Variants in SAMMSON observed in about 807,000 individuals in gnomAD.
The protein encoded by SAMMSON is long intergenic non-protein coding RNA 1212.
chr3:70,060,256 T>C (rs1272420278), intron 3 of SAMMSON, among the ~76,000 whole-genome samples: 3 of 152,060 alleles, frequency 2.0e-5, no homozygotes, highest in African/African-American at 4.8e-5. Flanking sequence ...CATTCCCTTA[T>C]GGAGTGTTTG....
chr3:70,065,369 C>T (rs954186715), intron 3 of SAMMSON: 40 of 151,988 alleles, frequency 2.6e-4, no homozygotes, highest in African/African-American at 9.2e-4. Flanking sequence ...TCTTAATTAC[C>T]ACCCGCCTGC....
intron 4 of SAMMSON, among the ~76,000 whole-genome samples, chr3:70,148,456 T>C (rs528750414): frequency 6.6e-6 from 1 of 152,188 alleles, no homozygotes; most frequent in East Asian, 1.9e-4. Flanking sequence ...TCTTAGTCTG[T>C]TTGTGTTGCT....
intron 6 of SAMMSON, among the ~76,000 whole-genome samples, chr3:70,275,123 G>A (rs967084422): frequency 1.3e-5 from 2 of 152,138 alleles, no homozygotes; most frequent in African/African-American, 4.8e-5. Flanking sequence ...CATTCTCACT[G>A]ACTTTATAGT....
intron 7 of SAMMSON, among the ~76,000 whole-genome samples, chr3:70,320,310 G>A (rs1409421210): frequency 6.6e-6 from 1 of 151,996 alleles, no homozygotes; most frequent in Non-Finnish European, 1.5e-5. Context: ...AATGACAGTG[G>A]GTTACCATGT....
At chr3:70,323,572 C>G (rs953810142) in intron 7 of SAMMSON, among the ~76,000 whole-genome samples, 3 of 152,128 alleles carry the variant, frequency 2.0e-5, no homozygotes, top group African/African-American at 7.2e-5. Flanking sequence ...GGCAACTTGG[C>G]AAGGCTGAAC....
At chr3:70,121,302 G>A (rs904702929) in intron 4 of SAMMSON, among the ~76,000 whole-genome samples, 2 of 152,074 alleles carry the variant, frequency 1.3e-5, no homozygotes, top group African/African-American at 2.4e-5. Flanking sequence ...TCCCTGGCCC[G>A]AGGGTTGGGG....
At chr3:70,373,301 C>G (rs571172450) in intron 9 of SAMMSON, among the ~76,000 whole-genome samples, 3 of 152,176 alleles carry the variant, frequency 2.0e-5, no homozygotes, top group East Asian at 3.9e-4. Flanking sequence ...AGAAAATATT[C>G]CACTTCTTTC....
intron 4 of SAMMSON, among the ~76,000 whole-genome samples, chr3:70,213,514 C>T (rs1338835091): frequency 2.6e-5 from 4 of 152,088 alleles, no homozygotes; most frequent in Non-Finnish European, 5.9e-5. Context: ...GAATTTAGTA[C>T]TGTAGTTATC....
intron 9 of SAMMSON, among the ~76,000 whole-genome samples, chr3:70,383,003 T>C (rs1703086100): frequency 6.6e-6 from 1 of 152,116 alleles, no homozygotes; most frequent in Non-Finnish European, 1.5e-5. Context: ...GAAAATGGTT[T>C]CTTCCTGTCT....
intron 6 of SAMMSON, among the ~76,000 whole-genome samples, chr3:70,277,099 G>A (rs941633080): frequency 3.3e-5 from 5 of 152,080 alleles, no homozygotes; most frequent in African/African-American, 1.2e-4. Flanking sequence ...TGAGGCGTGA[G>A]AAACATTGGC....
At chr3:70,420,042 A>G (rs1701299225) in intron 2 of SAMMSON, among the ~76,000 whole-genome samples, 1 of 152,232 alleles carries the variant, frequency 6.6e-6, no homozygotes. Context: ...ATAAGCAGGT[A>G]AGGCTGAAGA....
chr3:70,346,023 C>T (rs960741015), intron 7 of SAMMSON, among the ~76,000 whole-genome samples: 6 of 152,152 alleles, frequency 3.9e-5, no homozygotes, highest in Non-Finnish European at 8.8e-5. Flanking sequence ...GATCATAGGA[C>T]AAGGCTTTGT....
intron 2 of SAMMSON, chr3:70,012,683 C>T (rs2066962951): frequency 6.6e-6 from 1 of 152,066 alleles, no homozygotes; most frequent in Non-Finnish European, 1.5e-5. Context: ...TTACTTGCCC[C>T]TTTTTATTCT....
chr3:70,212,086 C>T (rs989906101), intron 4 of SAMMSON, among the ~76,000 whole-genome samples: 2 of 152,078 alleles, frequency 1.3e-5, no homozygotes, highest in Admixed American at 1.3e-4. Context: ...CTCACATCGT[C>T]ATTGATTTCT....
chr3:70,149,372 A>G (rs2067562373), intron 4 of SAMMSON, among the ~76,000 whole-genome samples: 1 of 152,068 alleles, frequency 6.6e-6, no homozygotes. Flanking sequence ...TACAGTTAGT[A>G]GTGGCTTAGA....
At chr3:70,430,418 C>T (rs184060119) in intron 2 of SAMMSON, among the ~76,000 whole-genome samples, 10 of 152,030 alleles carry the variant, frequency 6.6e-5, no homozygotes, top group Admixed American at 3.3e-4. Context: ...ATACGTTCAA[C>T]GGAAAATTAC....
intron 3 of SAMMSON, among the ~76,000 whole-genome samples, chr3:70,044,846 T>C (rs2067118168): frequency 6.8e-6 from 1 of 147,948 alleles, no homozygotes; most frequent in Non-Finnish European, 1.5e-5. Flanking sequence ...ATATTTTAAA[T>C]GTTTTATATA....
At chr3:70,200,845 C>T (rs984852559) in intron 4 of SAMMSON, among the ~76,000 whole-genome samples, 11 of 152,018 alleles carry the variant, frequency 7.2e-5, no homozygotes, top group African/African-American at 2.7e-4. Flanking sequence ...ACTGTAAGAT[C>T]GTAGAGCAGA....
chr3:70,033,100 G>A (rs959487326), intron 3 of SAMMSON, among the ~76,000 whole-genome samples: 2 of 152,074 alleles, frequency 1.3e-5, no homozygotes, highest in African/African-American at 2.4e-5. Flanking sequence ...CTGACGTGAG[G>A]GGATGGAAGC....
Sources: allele counts gnomAD v4.1 joint callset (sites outside exome capture counted in the v4.1 genomes callset), GRCh38; gene constraint gnomAD v4.1.1; transcripts MANE v1.5; gene names NCBI Gene and HGNC (gene_info 2026-07-23, HGNC 2026-07-21).